MAGEA11: variants seen among roughly 807,000 people sequenced by gnomAD.
The protein encoded by MAGEA11 is melanoma-associated antigen 11.
In MAGEA11, 1 loss-of-function variant was observed where a neutral mutation model predicts 8.4. That is an observed-to-expected ratio of 0.12 (90% confidence interval 0.04 to 0.57). The LOEUF is 0.57. Ranked by LOEUF, MAGEA11 falls within the 20% of genes least tolerant of loss-of-function variation. The pLI is 0.91. For missense variants in MAGEA11, 209 were observed against 317.3 expected (o/e 0.66, Z 2.59); for synonymous variants, 127 against 119.3 (o/e 1.06, Z -0.42).
chrX:149,701,027 C>T (rs1336412617), intron 1 of MAGEA11, among the ~76,000 whole-genome samples: 18 of 110,045 alleles, frequency 1.6e-4, no homozygotes, highest in South Asian at 1.2e-3. Flanking sequence ...AATAAACATA[C>T]GTGTGCATGT....
intron 1 of MAGEA11, among the ~76,000 whole-genome samples, chrX:149,705,184 C>G (rs1012010747): frequency 8.9e-6 from 1 of 112,444 alleles, no homozygotes; most frequent in South Asian, 3.7e-4. Flanking sequence ...TATGGTTTGG[C>G]TCTGTGTCCC....
At chrX:149,698,677 T>C (rs782283716) in intron 1 of MAGEA11, among the ~76,000 whole-genome samples, 53 of 111,755 alleles carry the variant, frequency 4.7e-4, no homozygotes, top group Non-Finnish European at 8.8e-4. Flanking sequence ...TTTGTTCTGA[T>C]TAAATGCATG....
intron 1 of MAGEA11, among the ~76,000 whole-genome samples, chrX:149,701,512 A>G (rs1197726613): frequency 9.2e-6 from 1 of 108,170 alleles, no homozygotes; most frequent in Non-Finnish European, 1.9e-5. Flanking sequence ...CCCATTTTGT[A>G]GGTTGCCTGT....
At chrX:149,709,512 G>A (rs1034021718), upstream of MAGEA11, among the ~76,000 whole-genome samples, 106 of 111,578 alleles carry the variant, frequency 9.5e-4, no homozygotes, top group Non-Finnish European at 1.3e-3. Context: ...TCTGAGACTA[G>A]TGTTCTTTGT....
At chrX:149,713,093 G>GCCC (rs368893040) in intron 1 of MAGEA11, 50 bp from the exon 2 acceptor site, 1 of 790,834 alleles carries the variant, frequency 1.3e-6, no homozygotes, top group African/African-American at 2.1e-5. Context: ...CCCCAGAACA[G>GCCC]CCCCCCCCCA....
chrX:149,701,231 T>C (rs1557360982), intron 1 of MAGEA11, among the ~76,000 whole-genome samples: 5 of 105,826 alleles, frequency 4.7e-5, no homozygotes, highest in South Asian at 4.5e-4. Context: ...GCACCTGTTG[T>C]TTCCTGACTT....
At chrX:149,706,176 C>T (rs2090376302) in intron 1 of MAGEA11, among the ~76,000 whole-genome samples, 1 of 111,905 alleles carries the variant, frequency 8.9e-6, no homozygotes, top group African/African-American at 3.3e-5. Flanking sequence ...CTCATCACAG[C>T]CTATGCCCTT....
At chrX:149,712,042 G>T (rs2090404060), upstream of MAGEA11, 1 of 749,797 alleles carries the variant, frequency 1.3e-6, no homozygotes, top group African/African-American at 2.3e-5. Flanking sequence ...CCAGGCGTGG[G>T]GGCCGGATGT....
intron 1 of MAGEA11, among the ~76,000 whole-genome samples, chrX:149,703,186 C>G (rs2090361452): frequency 8.9e-6 from 1 of 112,331 alleles, no homozygotes; most frequent in African/African-American, 3.2e-5. Flanking sequence ...TTGCCTTTAT[C>G]TGCTCCTTTA....
At position 149,690,828 on chromosome X, in the gene MAGEA11, A is replaced by C. The variant is rs896629385; in HGVS notation, c.9+1844A>C. Among the ~76,000 whole-genome samples, 9 of 111,740 alleles carry C rather than the reference A, an allele frequency of 8.1e-5. No individual in the cohort carries two copies. The East Asian group carries it at 1.7e-3, about 21-fold the overall frequency. ...TACTTTAACATTTCTTCTAGTGCAC[A>C]TATGTTGGTGATAAATTCATTCTAA... is the stretch of plus-strand genomic sequence containing the variant. On this transcript the variant is annotated intron_variant, in intron 1 of 3. Transcript: ENST00000333104.
intron 1 of MAGEA11, among the ~76,000 whole-genome samples, chrX:149,701,941 C>A (rs1238013083): frequency 2.7e-5 from 3 of 111,811 alleles, no homozygotes; most frequent in Non-Finnish European, 5.6e-5. Flanking sequence ...TGTTTTGGTA[C>A]CAGTACCATG....
intron 1 of MAGEA11, chrX:149,689,055 C>T: frequency 1.1e-6 from 1 of 907,582 alleles, no homozygotes; most frequent in Admixed American, 2.5e-5. Context: ...AATTCAGTAA[C>T]TATAGATAAA....
chrX:149,712,935 C>T (rs782479947), intron 1 of MAGEA11, among the ~76,000 whole-genome samples: 19 of 112,311 alleles, frequency 1.7e-4, no homozygotes, highest in Admixed American at 8.4e-4. Flanking sequence ...GGCATTGCTG[C>T]CAGGCAAGTG....
upstream of MAGEA11, among the ~76,000 whole-genome samples, chrX:149,710,266 A>G (rs2090394013): frequency 1.8e-5 from 2 of 112,524 alleles, no homozygotes; most frequent in Non-Finnish European, 3.8e-5. Flanking sequence ...AGGCAACTAT[A>G]CAAGTACTGA....
intron 1 of MAGEA11, among the ~76,000 whole-genome samples, chrX:149,689,168 G>A (rs1376806043): frequency 8.0e-5 from 9 of 112,061 alleles, no homozygotes; most frequent in East Asian, 2.8e-4. Flanking sequence ...GACTATAAAA[G>A]TGGGTCTATA....
In MAGEA11 at chrX:149,712,145, G is replaced by C; in HGVS notation, c.-35G>C. The C allele has an allele frequency of 1.3e-6, 1 of 752,958 alleles. No individual in the cohort carries two copies. The highest frequency in any genetic ancestry group is 1.6e-6 in the Non-Finnish European group (1 of 638,673). 62.1% of individuals were successfully genotyped at this position (752,958 alleles called of 1,213,427 possible). On this transcript the variant is annotated 5_prime_UTR_variant, in exon 1 of 5. Coordinates refer to ENST00000355220, the MANE Select transcript of MAGEA11 (RefSeq NM_005366.5). ...GAGTGGCAGAGGGCAGCGGGTCCAG[G>C]CTCCATGAGGAGGCAAGGTGAGAGC...
intron 1 of MAGEA11, 140 bp downstream of exon 1, chrX:149,712,302 A>G (rs1458389169): frequency 7.2e-6 from 2 of 275,909 alleles, no homozygotes; most frequent in Admixed American, 1.9e-4. Context: ...TCAATGCCCA[A>G]GGAGACTCTG....
At chrX:149,705,606 A>G (rs2090373949) in intron 1 of MAGEA11, among the ~76,000 whole-genome samples, 1 of 112,503 alleles carries the variant, frequency 8.9e-6, no homozygotes, top group African/African-American at 3.2e-5. Flanking sequence ...AGTTAAGTGC[A>G]GGGTTTCAGT....
chrX:149,709,324 C>T (rs1457623655), upstream of MAGEA11, among the ~76,000 whole-genome samples: 3 of 108,387 alleles, frequency 2.8e-5, no homozygotes, highest in Admixed American at 2.9e-4. Flanking sequence ...CATAAAGAAA[C>T]AGAAAACTTT....
Sources: gnomAD v4.1 joint callset for allele counts (sites outside exome capture counted in the v4.1 genomes callset) on GRCh38, gnomAD v4.1.1 for gene constraint, MANE v1.5 for transcripts, NCBI Gene and HGNC (gene_info 2026-07-23, HGNC 2026-07-21) for gene names.